Variants in B4GALT4 observed in about 807,000 individuals in gnomAD.
The protein encoded by B4GALT4 is beta-1,4-galactosyltransferase 4.
A neutral mutation model predicts 37.3 loss-of-function variants in B4GALT4; 27 were observed. That is an observed-to-expected ratio of 0.72 (90% CI 0.53 to 1.00). B4GALT4 has a LOEUF of 1.00. Among genes scored for constraint, B4GALT4 ranks in the 50% least tolerant of loss-of-function variants. The pLI, the probability that B4GALT4 is intolerant of heterozygous loss-of-function variation, is 0.00. For synonymous variants in B4GALT4, 148 were observed against 154.1 expected, an observed-to-expected ratio of 0.96 and a Z score of 0.29; for missense variants, 372 against 413.1, an observed-to-expected ratio of 0.90 and a Z score of 0.86.
At chr3:119,239,440 T>A (rs1233532822) in intron 1 of B4GALT4, among the ~76,000 whole-genome samples, 1 of 152,050 alleles carries the variant, frequency 6.6e-6, no homozygotes, top group African/African-American at 2.4e-5. Context: ...TAGAAAACCA[T>A]CACTGATTTG....
chr3:119,225,991 G>T (rs1010364530), intron 4 of B4GALT4, among the ~76,000 whole-genome samples: 1 of 152,160 alleles, frequency 6.6e-6, no homozygotes, highest in African/African-American at 2.4e-5. Context: ...TTATCTAAAA[G>T]AAATATTACC....
chr3:119,227,144 T>A, intron 3 of B4GALT4, 103 bp from the exon 4 acceptor site: 1 of 936,274 alleles, frequency 1.1e-6, no homozygotes, highest in Non-Finnish European at 1.6e-6. Context: ...CAGCTCACAG[T>A]GAGTACTACA....
At chr3:119,223,780 CAG>C (rs1365982329) in intron 5 of B4GALT4, among the ~76,000 whole-genome samples, 1 of 152,200 alleles carries the variant, frequency 6.6e-6, no homozygotes, top group Non-Finnish European at 1.5e-5. Flanking sequence ...AGCCCCCCGA[CAG>C]GGGCGCTGCG....
intron 7 of B4GALT4, chr3:119,212,990 G>C: frequency 4.9e-6 from 1 of 206,048 alleles, no homozygotes; most frequent in Non-Finnish European, 9.6e-6. Flanking sequence ...ACCAACCATT[G>C]CTAACTGATC....
At chr3:119,227,617 GCCA>G (rs543070395) in intron 3 of B4GALT4, among the ~76,000 whole-genome samples, 32 of 152,136 alleles carry the variant, frequency 2.1e-4, no homozygotes, top group Non-Finnish European at 3.8e-4. Context: ...CTCCCATTTT[GCCA>G]CCACAACAGA....
intron 6 of B4GALT4, among the ~76,000 whole-genome samples, chr3:119,217,245 T>C (rs553877515): frequency 6.6e-6 from 1 of 152,334 alleles, no homozygotes; most frequent in African/African-American, 2.4e-5. Flanking sequence ...ATGGGGATTG[T>C]TTATCACTAG....
At chr3:119,227,180 T>C (rs1050499539) in intron 3 of B4GALT4, 139 bp from the exon 4 acceptor site, 7 of 740,652 alleles carry the variant, frequency 9.5e-6, no homozygotes, top group Non-Finnish European at 1.5e-5. Context: ...TATGATTACT[T>C]TAAAGGCTCA....
rs2107446126 is a variant in B4GALT4 at position 119,211,926 on chromosome 3, C to T, written c.*623G>A. The T allele has an allele frequency of 1.9e-6, 1 of 530,654 alleles. No homozygotes were observed. Among genetic ancestry groups the T allele is most frequent in the Non-Finnish European group, 3.3e-6 (1 of 299,128 alleles). The allele number at this position is 530,654 out of a possible 1,614,324, so 32.9% of individuals were successfully genotyped here. On this transcript the variant is annotated 3_prime_UTR_variant, in exon 8 of 8. Transcript: ENST00000393765. Reference sequence around the variant, plus strand: ...GGAAGGCATACCTGGGCAGGTCCTCCCCTGAAGGCTATCAGCAGCTGCAAC... The same window carrying T: ...GGAAGGCATACCTGGGCAGGTCCTCTCCTGAAGGCTATCAGCAGCTGCAAC...
chr3:119,212,579 G>T lies in B4GALT4; in HGVS notation c.1005C>A (p.Asn335Lys), dbSNP rs1234640030. The change falls in exon 8 of 8, where the codon AAC (asparagine) becomes AAA (lysine). Residue 335 changes from asparagine to lysine, a missense_variant. Coordinates refer to ENST00000393765, the MANE Select transcript of B4GALT4 (RefSeq NM_003778.4). Reference protein sequence around the residue: ...VSVEHNPLYINITVDFWFGA With the variant: ...VSVEHNPLYIKITVDFWFGA ...CACCAAACCAGAAATCCACTGTGAT[G>T]TTGATATATAAAGGATTGTGTTCCA... 6.2e-7 allele frequency: 1 copy of T among 1,609,584 alleles called. No individual in the cohort carries two copies. The highest frequency in any genetic ancestry group is 1.7e-5 in the Admixed American group (1 of 58,980).
intron 4 of B4GALT4, 99 bp downstream of exon 4, chr3:119,226,710 T>C: frequency 1.0e-6 from 1 of 987,166 alleles, no homozygotes; most frequent in South Asian, 1.6e-5. Context: ...GATGATAGTC[T>C]GATGTTCCTT....
In B4GALT4 at chr3:119,230,037, C is replaced by T; in HGVS notation, c.63G>A (p.Leu21=). ...TGGCCCACCCAACCACTGTCAGGCA[C>T]AAAGTCAACAGCAACAGTAATCGGA... ...YKFRLLLLLT[L]CLTVVGWATS... is the part of the protein sequence containing the mutation. The change falls in exon 3 of 8, where the codon TTG becomes TTA. Residue 21 remains leucine (L), a synonymous_variant. Transcript: ENST00000393765. The T allele has an allele frequency of 6.2e-7, 1 of 1,614,172 alleles. No individual in the cohort carries two copies.
intron 7 of B4GALT4, chr3:119,215,717 A>G (rs2078272291): frequency 6.6e-6 from 1 of 152,244 alleles, no homozygotes; most frequent in Non-Finnish European, 1.5e-5. Flanking sequence ...TTGTTCCACA[A>G]ATAAATATCA....
intron 7 of B4GALT4, chr3:119,215,506 G>A (rs1012048319): frequency 9.2e-5 from 14 of 152,238 alleles, no homozygotes; most frequent in African/African-American, 3.1e-4. Context: ...CTTCATCTTG[G>A]GATAGTGTGA....
chr3:119,219,037 G>A (rs753867318), intron 5 of B4GALT4, among the ~76,000 whole-genome samples: 30 of 152,058 alleles, frequency 2.0e-4, no homozygotes, highest in Non-Finnish European at 2.9e-5. Flanking sequence ...GGCCTATAGA[G>A]ATACCTGTCA....
At chr3:119,236,725 A>G (rs2078996926) in intron 2 of B4GALT4, 128 bp downstream of exon 2, 1 of 152,226 alleles carries the variant, frequency 6.6e-6, no homozygotes, top group African/African-American at 2.4e-5. Context: ...GAAGGTGGGA[A>G]ATAAAGATTA....
Position 119,218,725 on chromosome 3 carries a change from T to C in B4GALT4, c.722A>G (p.Glu241Gly), listed in dbSNP as rs1485073496. Reference sequence around the variant, plus strand: ...GAATCCATTCACCTTGAAAAACTGCTCTCTGCTTAGGGCAGTAACACCCCC... The same window carrying C: ...GAATCCATTCACCTTGAAAAACTGCCCTCTGCTTAGGGCAGTAACACCCCC... Reference protein sequence around the residue: ...YFGGVTALSREQFFKVNGFSN... With the variant: ...YFGGVTALSRGQFFKVNGFSN... The change falls in exon 6 of 8, where the codon GAG becomes GGG. Residue 241 changes from glutamate to glycine, a missense_variant. Transcript: ENST00000393765. 3 of 1,614,020 alleles carry C rather than the reference T, an allele frequency of 1.9e-6. No individual in the cohort carries two copies. The South Asian group carries it at 3.3e-5, about 18-fold the overall frequency.
intron 4 of B4GALT4, among the ~76,000 whole-genome samples, 187 bp from the exon 5 acceptor site, chr3:119,224,432 C>T (rs190862730): frequency 6.6e-6 from 1 of 152,282 alleles, no homozygotes; most frequent in African/African-American, 2.4e-5. Flanking sequence ...TTTCTTCGTG[C>T]TTCACACATA....
rs3806698 is a variant in B4GALT4, at chr3:119,237,041, G to A, written c.-334C>T. On this transcript the variant is annotated 5_prime_UTR_variant, in exon 2 of 8. It adds an upstream start codon to the 5' untranslated region. Transcript: ENST00000393765. ...GTGTACCCGCCTCTGGGCAAGAGCC[G>A]TGGAAATCCACACATGAAGCCAGGT... is the stretch of plus-strand genomic sequence containing the variant. 40,588 of 152,224 alleles carry A rather than the reference G, an allele frequency of 0.27. 5,638 individuals are homozygous for A. The highest frequency in any genetic ancestry group is 0.28 in the Non-Finnish European group (18,742 of 67,998). 9.4% of individuals were successfully genotyped at this position (152,224 alleles called of 1,614,324 possible).
intron 1 of B4GALT4, among the ~76,000 whole-genome samples, chr3:119,237,799 C>T (rs1292686296): frequency 6.6e-6 from 1 of 151,942 alleles, no homozygotes; most frequent in Non-Finnish European, 1.5e-5. Flanking sequence ...ATATTCAAAC[C>T]AACATTGCTA....
Sources: gnomAD v4.1 joint callset for allele counts (sites outside exome capture counted in the v4.1 genomes callset) on GRCh38, gnomAD v4.1.1 for gene constraint, MANE v1.5 for transcripts, NCBI Gene and HGNC (gene_info 2026-07-23, HGNC 2026-07-21) for gene names.